The following WDR75 variants were observed in gnomAD, a reference collection of about 807,000 sequenced individuals.
WDR75 encodes the protein WD repeat domain 75, also known as WD repeat-containing protein 75.
WDR75 carries 52 observed loss-of-function variants against 106.1 expected under a neutral mutation model. The observed-to-expected ratio is 0.49, with a 90% CI of 0.39 to 0.62. The LOEUF (loss-of-function observed/expected upper bound fraction) is 0.62, where lower values mean the gene tolerates loss of function less well. Among genes scored for constraint, WDR75 ranks in the 20% least tolerant of loss-of-function variants. The probability of loss-of-function intolerance (pLI) is 0.00; values close to 1 mark genes in which losing one functional copy is unlikely to be tolerated. For missense variants in WDR75, 905 were observed against 970.3 expected (o/e 0.93, Z 0.89); for synonymous variants, 333 against 335.5 (o/e 0.99, Z 0.08).
intron 1 of WDR75, among the ~76,000 whole-genome samples, chr2:189,447,556 G>A (rs943508184): frequency 3.9e-5 from 6 of 152,194 alleles, no homozygotes; most frequent in African/African-American, 1.4e-4. Context: ...AGTAATAGTT[G>A]ATAGTGACTA....
At position 189,457,924 on chromosome 2, in the gene WDR75, CT is replaced by C. The variant is rs11395971; in HGVS notation, c.569+562del. On this transcript the variant is annotated intron_variant, in intron 6 of 20. Coordinates refer to ENST00000314761, the MANE Select transcript of WDR75 (RefSeq NM_032168.3). Reference sequence around the variant, plus strand: ...CTTCCCTTTTACCCTGCCAAGATTGCTTTTTTTTTTTTTTTTTTTGAGATGG... The same window carrying C: ...CTTCCCTTTTACCCTGCCAAGATTGCTTTTTTTTTTTTTTTTTTGAGATGG... 8.7e-3 allele frequency among the ~76,000 whole-genome samples: 1,009 copies of C among 116,330 alleles called. 10 individuals are homozygous for C. Among genetic ancestry groups the C allele is most frequent in the African/African-American group, 0.031 (930 of 30,296 alleles). The allele number at this position is 116,330 out of a possible 152,430, so 76.3% of individuals were successfully genotyped here. A position where few individuals can be genotyped will look rare whatever the true frequency, so the allele number is the denominator to read the frequency against.
In WDR75 at chr2:189,459,435, G is replaced by A; in HGVS notation, c.778+11G>A. 1.2e-6 allele frequency: 2 copies of A among 1,601,590 alleles called. No individual in the cohort carries two copies. Among genetic ancestry groups the A allele is most frequent in the Non-Finnish European group, 1.7e-6 (2 of 1,172,902 alleles). On this transcript the variant is annotated intron_variant, in intron 8 of 20. Coordinates refer to ENST00000314761, the MANE Select transcript of WDR75 (RefSeq NM_032168.3). The stretch of plus-strand genomic sequence containing the variant: ...CTTTTTCAGTGACAGGTAAGTGCGG[G>A]TTTAATTATTAAAATGAACTTTTGA...
chr2:189,451,537 A>G (rs1686622054), intron 3 of WDR75, among the ~76,000 whole-genome samples: 1 of 152,232 alleles, frequency 6.6e-6, no homozygotes, highest in South Asian at 2.1e-4. Flanking sequence ...TCCTTATAGC[A>G]TTGTTTATGG....
intron 1 of WDR75, 94 bp from the exon 2 acceptor site, chr2:189,448,285 A>G: frequency 7.3e-7 from 1 of 1,367,940 alleles, no homozygotes; most frequent in Non-Finnish European, 9.7e-7. Flanking sequence ...GGAGTTCAAG[A>G]CCACTGAAAC....
At chr2:189,455,059 G>A (rs984401693) in intron 4 of WDR75, among the ~76,000 whole-genome samples, 27 of 152,074 alleles carry the variant, frequency 1.8e-4, no homozygotes, top group African/African-American at 6.5e-4. Flanking sequence ...TGGCCAACAT[G>A]GTGGAACCCC....
chr2:189,447,256 T>G (rs770957631), intron 1 of WDR75, among the ~76,000 whole-genome samples: 1 of 152,232 alleles, frequency 6.6e-6, no homozygotes, highest in Admixed American at 6.5e-5. Context: ...TCTGTGATAA[T>G]ATCGTGAAAG....
At chr2:189,467,050 A>G (rs1472517549) in intron 13 of WDR75, among the ~76,000 whole-genome samples, 2 of 151,926 alleles carry the variant, frequency 1.3e-5, no homozygotes, top group Admixed American at 1.3e-4. Flanking sequence ...AATGTCCCTC[A>G]TTTAGCAGTC....
chr2:189,460,097 C>CT (rs761136166), intron 8 of WDR75, among the ~76,000 whole-genome samples: 130 of 152,284 alleles, frequency 8.5e-4, no homozygotes, highest in Admixed American at 4.3e-3. Context: ...TACATCTTGT[C>CT]TTTGTTTACT....
intron 15 of WDR75, 105 bp from the exon 16 acceptor site, chr2:189,469,239 G>A: frequency 1.2e-6 from 1 of 830,010 alleles, no homozygotes; most frequent in Non-Finnish European, 2.0e-6. Flanking sequence ...CTCCATGTGT[G>A]TTAGTTGGAA....
At chr2:189,452,191 T>G (rs1686637362) in intron 4 of WDR75, 1 of 295,002 alleles carries the variant, frequency 3.4e-6, no homozygotes, top group Non-Finnish European at 6.4e-6. Flanking sequence ...AAATCTGTTA[T>G]TAAGCATCAC....
At chr2:189,454,445 T>C (rs1686690630) in intron 4 of WDR75, among the ~76,000 whole-genome samples, 1 of 152,230 alleles carries the variant, frequency 6.6e-6, no homozygotes, top group Non-Finnish European at 1.5e-5. Context: ...AACATTCATA[T>C]TCTTTTTCCA....
intron 6 of WDR75, 37 bp from the exon 7 acceptor site, chr2:189,458,714 CTT>C (rs764910915): frequency 6.7e-7 from 1 of 1,487,512 alleles, no homozygotes; most frequent in East Asian, 2.5e-5. Flanking sequence ...TATCAAGAGA[CTT>C]TAATAATTAA....
At position 189,475,200 on chromosome 2, in the gene WDR75, G is replaced by A; in HGVS notation, c.2289-13G>A. On this transcript the variant is annotated splice_polypyrimidine_tract_variant and intron_variant, in intron 20 of 20. Coordinates refer to ENST00000314761, the MANE Select transcript of WDR75 (RefSeq NM_032168.3). ...TTTAATAGTGTTTATATTTTATTCT[G>A]TTATTGTTAAAGTGCTAAGGAAATT... 1 of 1,574,684 alleles carries A rather than the reference G, an allele frequency of 6.4e-7. No homozygotes were observed. The highest frequency in any genetic ancestry group is 2.2e-5 in the East Asian group (1 of 44,548).
chr2:189,453,620 A>G (rs181148618), intron 4 of WDR75, among the ~76,000 whole-genome samples: 79 of 152,280 alleles, frequency 5.2e-4, no homozygotes, highest in African/African-American at 1.9e-3. Context: ...TCTTCTCATA[A>G]TGAGATCTAT....
chr2:189,450,158 AT>A, intron 2 of WDR75: 1 of 969,156 alleles, frequency 1.0e-6, no homozygotes, highest in Non-Finnish European at 1.2e-6. Flanking sequence ...GCATATTATA[AT>A]TTCTATTGTA....
intron 18 of WDR75, 139 bp from the exon 19 acceptor site, chr2:189,474,047 G>A (rs1687164886): frequency 1.2e-6 from 1 of 858,250 alleles, no homozygotes; most frequent in Non-Finnish European, 1.7e-6. Flanking sequence ...TCTGTGAAAT[G>A]AGAGGATCAT....
At chr2:189,467,289 TTCTC>T (rs1483054439) in intron 13 of WDR75, among the ~76,000 whole-genome samples, 175 bp from the exon 14 acceptor site, 1 of 152,276 alleles carries the variant, frequency 6.6e-6, no homozygotes, top group African/African-American at 2.4e-5. Flanking sequence ...GTGTCTGCCT[TTCTC>T]TCTCTTTCAA....
chr2:189,449,546 C>T lies in WDR75; in HGVS notation c.216+1038C>T, dbSNP rs1054155424. Reference sequence around the variant, plus strand: ...ATACTAAGTTTTATAGCCAAAAAAACGTATACACAATTCATAAAAGCTTTG... The same window carrying T: ...ATACTAAGTTTTATAGCCAAAAAAATGTATACACAATTCATAAAAGCTTTG... On this transcript the variant is annotated intron_variant, in intron 2 of 20. Transcript: ENST00000314761. 20 of 1,069,010 alleles carry T rather than the reference C, an allele frequency of 1.9e-5. No homozygotes were observed. In the Admixed American group the frequency reaches 2.7e-4, roughly 15 times the overall value. 66.2% of individuals were successfully genotyped at this position (1,069,010 alleles called of 1,614,324 possible).
chr2:189,464,805 G>A lies in WDR75; in HGVS notation c.1114-274G>A, dbSNP rs1315614753. ...ACTACTATAAATTAACGGTTCTGTT[G>A]TATCATATAGTGGGTGTTAGTAATC... On this transcript the variant is annotated intron_variant, in intron 11 of 20. Transcript: ENST00000314761. Among the ~76,000 whole-genome samples, 3 of 152,054 alleles carry A rather than the reference G, an allele frequency of 2.0e-5. No individual in the cohort carries two copies. In the East Asian group the frequency reaches 5.8e-4, roughly 29 times the overall value.
Sources: allele counts gnomAD v4.1 joint callset (sites outside exome capture counted in the v4.1 genomes callset), GRCh38; gene constraint gnomAD v4.1.1; transcripts MANE v1.5; gene names NCBI Gene and HGNC (gene_info 2026-07-23, HGNC 2026-07-21).